ITPR1: variants seen among roughly 807,000 people sequenced by gnomAD.
The protein encoded by ITPR1 is inositol 1,4,5-trisphosphate receptor type 1.
In ITPR1, 96 loss-of-function variants were observed where a neutral mutation model predicts 318.4. The ratio of observed to expected loss-of-function variants is 0.30; its 90% confidence interval spans 0.26 to 0.36. ITPR1 has a LOEUF of 0.36. ITPR1 is among the 10% of genes least tolerant of loss of function. The probability of loss-of-function intolerance (pLI) is 1.00; values close to 1 mark genes in which losing one functional copy is unlikely to be tolerated. For missense variants in ITPR1, 2,440 were observed against 3,460.2 expected, an observed-to-expected ratio of 0.71 and a Z score of 7.40; for synonymous variants, 1,312 against 1,289.9, an observed-to-expected ratio of 1.02 and a Z score of -0.37.
At chr3:4,725,939 C>T (rs1216070742) in intron 41 of ITPR1, among the ~76,000 whole-genome samples, 1 of 152,142 alleles carries the variant, frequency 6.6e-6, no homozygotes, top group Non-Finnish European at 1.5e-5. Context: ...AGAGATGATG[C>T]ACTTTTGAAG....
At chr3:4,500,389 A>T (rs2080929259) in intron 2 of ITPR1, among the ~76,000 whole-genome samples, 1 of 151,876 alleles carries the variant, frequency 6.6e-6, no homozygotes, top group African/African-American at 2.4e-5. Flanking sequence ...TTTTGTAGGG[A>T]CGGGATCTCG....
At chr3:4,643,688 G>A (rs1031527661) in intron 7 of ITPR1, among the ~76,000 whole-genome samples, 1 of 151,910 alleles carries the variant, frequency 6.6e-6, no homozygotes, top group African/African-American at 2.4e-5. Context: ...CTGTATATAT[G>A]ACTTGATCAT....
intron 4 of ITPR1, among the ~76,000 whole-genome samples, chr3:4,591,432 A>G (rs543839820): frequency 6.6e-6 from 1 of 152,340 alleles, no homozygotes; most frequent in Admixed American, 6.5e-5. Flanking sequence ...GACTGGTGTG[A>G]GATGGTATCT....
At chr3:4,747,970 C>T (rs1199913183) in intron 44 of ITPR1, among the ~76,000 whole-genome samples, 1 of 152,258 alleles carries the variant, frequency 6.6e-6, no homozygotes, top group African/African-American at 2.4e-5. Flanking sequence ...ATACTCCCCA[C>T]ATCTGAGTCT....
chr3:4,806,147 T>C lies in ITPR1; in HGVS notation c.7152T>C (p.Cys2384=). 6.2e-7 allele frequency: 1 copy of C among 1,613,910 alleles called. No homozygotes were observed. Among genetic ancestry groups the C allele is most frequent in the Non-Finnish European group, 8.5e-7 (1 of 1,179,776 alleles). The change falls in exon 55 of 62, where the codon TGT becomes TGC. Residue 2384 remains cysteine, a synonymous_variant. Transcript: ENST00000649015. The stretch of plus-strand genomic sequence containing the variant: ...TTCTAATGAGCTTTGTGGGCAACTG[T>C]GGGACATTCACAAGAGGCTACCGAG... ...IIFLMSFVGN[C]GTFTRGYRAM... is the part of the protein sequence containing the mutation.
At position 4,735,145 on chromosome 3, in the gene ITPR1, C is replaced by A; in HGVS notation, c.5354-19C>A. On this transcript the variant is annotated intron_variant, in intron 43 of 61. Coordinates refer to ENST00000649015, the MANE Select transcript of ITPR1 (RefSeq NM_001378452.1). ...CTGTTCTGATTGTGCTTAGTAAAAACAATATTCCATCTTCTTAGGGGGAGG... is the reference window on the plus strand; with the variant it reads ...CTGTTCTGATTGTGCTTAGTAAAAAAAATATTCCATCTTCTTAGGGGGAGG... 1 of 1,602,902 alleles carries A rather than the reference C, an allele frequency of 6.2e-7. No individual in the cohort carries two copies. The highest frequency in any genetic ancestry group is 8.5e-7 in the Non-Finnish European group (1 of 1,170,900).
At chr3:4,648,036 C>T (rs2093502916) in intron 10 of ITPR1, among the ~76,000 whole-genome samples, 1 of 152,132 alleles carries the variant, frequency 6.6e-6, no homozygotes, top group South Asian at 2.1e-4. Context: ...CCTGTAATCC[C>T]AGCTACTCGG....
chr3:4,687,756 C>T lies in ITPR1; in HGVS notation c.3703-739C>T, dbSNP rs1237118527. Among the ~76,000 whole-genome samples the T allele has an allele frequency of 5.3e-5, 8 of 152,340 alleles. No individual in the cohort carries two copies. In the East Asian group the frequency reaches 1.5e-3, roughly 29 times the overall value. ...GTTTATGCTATTAATGTATGAATCA[C>T]ATAATCCAACCACGTGAAATGCCAG... On this transcript the variant is annotated intron_variant, in intron 30 of 61. Coordinates refer to ENST00000649015, the MANE Select transcript of ITPR1 (RefSeq NM_001378452.1).
chr3:4,685,819 T>TATGAA (rs2094384439), intron 30 of ITPR1, among the ~76,000 whole-genome samples: 1 of 152,248 alleles, frequency 6.6e-6, no homozygotes, highest in Admixed American at 6.5e-5. Context: ...ACAAGACACT[T>TATGAA]ATGAAATCAT....
intron 4 of ITPR1, among the ~76,000 whole-genome samples, chr3:4,522,162 A>G (rs1249917708): frequency 6.6e-6 from 1 of 152,214 alleles, no homozygotes; most frequent in African/African-American, 2.4e-5. Flanking sequence ...GGGATCAACT[A>G]TAGAGCCCTA....
intron 4 of ITPR1, among the ~76,000 whole-genome samples, chr3:4,617,993 A>AC (rs2092454230): frequency 6.6e-6 from 1 of 151,960 alleles, no homozygotes; most frequent in Admixed American, 6.6e-5. Context: ...TATCTCAAAA[A>AC]AAAAAAAAAA....
chr3:4,538,908 T>A (rs2084135608), intron 4 of ITPR1, among the ~76,000 whole-genome samples: 1 of 152,074 alleles, frequency 6.6e-6, no homozygotes, highest in Non-Finnish European at 1.5e-5. Context: ...AGCATCAGAA[T>A]AAACAGCTAA....
intron 4 of ITPR1, among the ~76,000 whole-genome samples, chr3:4,560,766 C>G (rs556567182): frequency 1.3e-5 from 2 of 152,288 alleles, no homozygotes; most frequent in African/African-American, 4.8e-5. Flanking sequence ...AATCTATCCC[C>G]AAGGTCTCAT....
At chr3:4,738,113 A>C (rs2043411042) in intron 44 of ITPR1, among the ~76,000 whole-genome samples, 1 of 152,082 alleles carries the variant, frequency 6.6e-6, no homozygotes, top group Non-Finnish European at 1.5e-5. Context: ...AATGGGTACT[A>C]GGTTTAATAC....
chr3:4,609,082 A>ATATATATATATG (rs2091919180), intron 4 of ITPR1, among the ~76,000 whole-genome samples: 2 of 109,156 alleles, frequency 1.8e-5, no homozygotes, highest in Non-Finnish European at 4.0e-5. Flanking sequence ...ATATATATAT[A>ATATATATATATG]TATATATACA....
chr3:4,631,598 G>C (rs2093016820), intron 5 of ITPR1, among the ~76,000 whole-genome samples: 1 of 152,012 alleles, frequency 6.6e-6, no homozygotes, highest in African/African-American at 2.4e-5. Flanking sequence ...TTGGGATTAT[G>C]GCATTCAGGA....
chr3:4,656,948 C>T lies in ITPR1; in HGVS notation c.997-1176C>T, dbSNP rs576835221. The stretch of plus-strand genomic sequence containing the variant: ...TTCTGAGCAGACTCCTTGTCTAAGC[C>T]CCCTCCTTGAATATCTGTAGGCAGA... On this transcript the variant is annotated intron_variant, in intron 12 of 61. Coordinates refer to ENST00000649015, the MANE Select transcript of ITPR1 (RefSeq NM_001378452.1). Among the ~76,000 whole-genome samples, 23 of 152,316 alleles carry T rather than the reference C, an allele frequency of 1.5e-4. No homozygotes were observed. The South Asian group carries it at 3.5e-3, about 23-fold the overall frequency.
intron 2 of ITPR1, among the ~76,000 whole-genome samples, chr3:4,510,647 C>G (rs1011520619): frequency 6.6e-6 from 1 of 152,212 alleles, no homozygotes; most frequent in Non-Finnish European, 1.5e-5. Context: ...ACACATCACA[C>G]ACAGATCTCT....
intron 4 of ITPR1, among the ~76,000 whole-genome samples, chr3:4,588,292 T>C (rs569082238): frequency 8.5e-5 from 13 of 152,322 alleles, no homozygotes; most frequent in African/African-American, 3.1e-4. Flanking sequence ...GCTCTGTAAC[T>C]TTGCAGACTT....
Sources: allele counts gnomAD v4.1 joint callset (sites outside exome capture counted in the v4.1 genomes callset), GRCh38; gene constraint gnomAD v4.1.1; transcripts MANE v1.5; gene names NCBI Gene and HGNC (gene_info 2026-07-23, HGNC 2026-07-21).